Variants in PCDHA2 observed in about 807,000 individuals in gnomAD.
PCDHA2 encodes protocadherin alpha-2.
PCDHA2 carries 58 observed loss-of-function variants against 66.0 expected under a neutral mutation model. The ratio of observed to expected loss-of-function variants is 0.88; its 90% CI spans 0.71 to 1.09. The LOEUF is 1.09. PCDHA2 is among the 50% of genes least tolerant of loss of function. The pLI, the probability that PCDHA2 is intolerant of heterozygous loss-of-function variation, is 0.00. For synonymous variants in PCDHA2, 634 were observed against 554.0 expected (o/e 1.14, Z -2.03); for missense variants, 1,267 against 1,242.3 (o/e 1.02, Z -0.30).
chr5:140,816,242 T>C (rs1481893291), intron 1 of PCDHA2: 2 of 152,240 alleles, frequency 1.3e-5, no homozygotes, highest in South Asian at 2.1e-4. Flanking sequence ...TCAAATGATG[T>C]GTCCTTGAGT....
intron 3 of PCDHA2, among the ~76,000 whole-genome samples, chr5:141,007,362 G>A (rs1554261189): frequency 6.8e-6 from 1 of 146,590 alleles, no homozygotes; most frequent in Non-Finnish European, 1.5e-5. Context: ...ACCAGCCTGG[G>A]CAACATGATG....
At position 140,835,349 on chromosome 5, in the gene PCDHA2, T is replaced by C. The variant is rs2150234349; in HGVS notation, c.2388+37997T>C. ...GAGCACACAAGATCCCAGTCGAGGC[T>C]GTCGATAAAGGCTTCCCACCCCTGG... On this transcript the variant is annotated intron_variant, in intron 1 of 3. Coordinates refer to ENST00000526136, the MANE Select transcript of PCDHA2 (RefSeq NM_018905.3). 5.4e-5 allele frequency: 87 copies of C among 1,613,822 alleles called. No individual in the cohort carries two copies. In the Middle Eastern group the frequency reaches 9.9e-4, roughly 18 times the overall value.
chr5:140,825,736 G>C (rs1270794593), intron 1 of PCDHA2: 2 of 152,316 alleles, frequency 1.3e-5, no homozygotes, highest in Non-Finnish European at 2.9e-5. Flanking sequence ...TTATTATATT[G>C]ATGAGGAGTA....
intron 1 of PCDHA2, among the ~76,000 whole-genome samples, chr5:140,892,996 G>A (rs1014134688): frequency 2.0e-5 from 3 of 152,162 alleles, no homozygotes; most frequent in Admixed American, 1.3e-4. Flanking sequence ...GTGAGAACAT[G>A]TATTTATTTT....
intron 3 of PCDHA2, among the ~76,000 whole-genome samples, chr5:140,989,495 A>G (rs1408191575): frequency 6.6e-6 from 1 of 152,136 alleles, no homozygotes; most frequent in African/African-American, 2.4e-5. Context: ...AACAAGAAAG[A>G]CCTGCTTATA....
chr5:140,829,719 C>G (rs2150173312), intron 1 of PCDHA2: 42 of 1,613,424 alleles, frequency 2.6e-5, no homozygotes, highest in Non-Finnish European at 3.3e-5. Context: ...GCGGGCGTGC[C>G]GCCTCTGGGC....
intron 1 of PCDHA2, among the ~76,000 whole-genome samples, chr5:140,931,879 T>A (rs1335268218): frequency 3.3e-5 from 5 of 151,966 alleles, no homozygotes; most frequent in Non-Finnish European, 7.4e-5. Flanking sequence ...TATTTATTGC[T>A]TTCATTTTAT....
rs1374151299 is a variant in PCDHA2 at position 141,010,790 on chromosome 5, A to G, written c.*853A>G. The G allele has an allele frequency of 2.0e-5, 3 of 153,822 alleles. No homozygotes were observed. Among genetic ancestry groups the G allele is most frequent in the Admixed American group, 6.5e-5 (1 of 15,286 alleles). The allele number at this position is 153,822 out of a possible 1,614,324, so 9.5% of individuals were successfully genotyped here. Reference sequence around the variant, plus strand: ...CTTTTCCAATACTTATGCAAAAGCAAAAGAAAACCCCGACACCTCACCTTT... The same window carrying G: ...CTTTTCCAATACTTATGCAAAAGCAGAAGAAAACCCCGACACCTCACCTTT... On this transcript the variant is annotated 3_prime_UTR_variant, in exon 4 of 4. Coordinates refer to ENST00000526136, the MANE Select transcript of PCDHA2 (RefSeq NM_018905.3).
intron 1 of PCDHA2, among the ~76,000 whole-genome samples, chr5:140,961,366 C>T (rs1384222732): frequency 6.6e-6 from 1 of 152,144 alleles, no homozygotes; most frequent in Non-Finnish European, 1.5e-5. Context: ...CATTAGAATT[C>T]TCCTTCTAGT....
chr5:140,919,335 G>A (rs1347619989), intron 1 of PCDHA2, among the ~76,000 whole-genome samples: 2 of 152,122 alleles, frequency 1.3e-5, no homozygotes, highest in African/African-American at 4.8e-5. Context: ...CTTTCAATCT[G>A]TTTGTATCTT....
At position 140,821,636 on chromosome 5, in the gene PCDHA2, A is replaced by G. The variant is rs1054964805; in HGVS notation, c.2388+24284A>G. On this transcript the variant is annotated intron_variant, in intron 1 of 3. Coordinates refer to ENST00000526136, the MANE Select transcript of PCDHA2 (RefSeq NM_018905.3). ...GTAGATTTTCCTTAGACAGAAAGGA[A>G]AAGAACCTTCCATTTTTGGCTGTGC... 20 of 1,021,456 alleles carry G rather than the reference A, an allele frequency of 2.0e-5. No individual in the cohort carries two copies. In the African/African-American group the frequency reaches 2.9e-4, roughly 15 times the overall value. 63.3% of individuals were successfully genotyped at this position (1,021,456 alleles called of 1,614,324 possible). A position where few individuals can be genotyped will look rare whatever the true frequency, so the allele number is the denominator to read the frequency against.
intron 1 of PCDHA2, chr5:140,867,901 G>A (rs1554161610): frequency 1.3e-5 from 2 of 152,058 alleles, no homozygotes; most frequent in African/African-American, 4.8e-5. Flanking sequence ...GGTACTTACA[G>A]AAGGTATAAT....
chr5:140,869,977 T>C (rs2051552630), intron 1 of PCDHA2: 1 of 1,613,234 alleles, frequency 6.2e-7, no homozygotes, highest in Non-Finnish European at 8.5e-7. Flanking sequence ...AAGACACTTA[T>C]TTACACTAGA....
At chr5:140,942,527 AACTC>A (rs1420689882) in intron 1 of PCDHA2, among the ~76,000 whole-genome samples, 2 of 152,162 alleles carry the variant, frequency 1.3e-5, no homozygotes, top group Non-Finnish European at 2.9e-5. Flanking sequence ...GGAAGCAACT[AACTC>A]AGTATGGTGG....
At chr5:140,869,394 G>C (rs782128248) in intron 1 of PCDHA2, 1 of 1,614,196 alleles carries the variant, frequency 6.2e-7, no homozygotes, top group Non-Finnish European at 8.5e-7. Context: ...AGCTGTGCGG[G>C]CAGAGCGCGG....
intron 1 of PCDHA2, among the ~76,000 whole-genome samples, chr5:140,838,797 C>T (rs1775892609): frequency 6.6e-6 from 1 of 151,930 alleles, no homozygotes; most frequent in African/African-American, 2.4e-5. Flanking sequence ...TGATGCATGT[C>T]TGTAGTTTCA....
rs1465056587 is a variant in PCDHA2, at chr5:140,851,176, T to G, written c.2388+53824T>G. The G allele has an allele frequency of 9.5e-6, 12 of 1,259,426 alleles. 2 individuals carry two copies. Among genetic ancestry groups the G allele is most frequent in the Non-Finnish European group, 1.2e-5 (12 of 979,742 alleles). The allele number at this position is 1,259,426 out of a possible 1,614,324, so 78.0% of individuals were successfully genotyped here. A position where few individuals can be genotyped will look rare whatever the true frequency, so the allele number is the denominator to read the frequency against. Reference sequence around the variant, plus strand: ...TCTGATGCTATGCTGCCATAACACTTGAAAACCAATTTAGTTGTTAGTCAT... The same window carrying G: ...TCTGATGCTATGCTGCCATAACACTGGAAAACCAATTTAGTTGTTAGTCAT... On this transcript the variant is annotated intron_variant, in intron 1 of 3. Coordinates refer to ENST00000526136, the MANE Select transcript of PCDHA2 (RefSeq NM_018905.3).
intron 1 of PCDHA2, among the ~76,000 whole-genome samples, chr5:140,911,647 G>A (rs1554194849): frequency 2.0e-5 from 3 of 152,160 alleles, no homozygotes; most frequent in African/African-American, 7.2e-5. Flanking sequence ...ATTACATATA[G>A]AGTTACTAAA....
At chr5:140,858,653 TTTTAAATAACAATTTATTCTGAATACAC>T in intron 1 of PCDHA2, 1 of 816,482 alleles carries the variant, frequency 1.2e-6, no homozygotes, top group Non-Finnish European at 1.9e-6. Flanking sequence ...ACTTAAATTT[TTTTAAATAACAATTTATTCTGAATACAC>T]TAATATTTTC....
Sources: allele counts gnomAD v4.1 joint callset (sites outside exome capture counted in the v4.1 genomes callset), GRCh38; gene constraint gnomAD v4.1.1; transcripts MANE v1.5; gene names NCBI Gene and HGNC (gene_info 2026-07-23, HGNC 2026-07-21).